MUC5B: variants seen among roughly 807,000 people sequenced by gnomAD.
MUC5B encodes mucin 5B, oligomeric mucus/gel-forming.
MUC5B carries 116 observed loss-of-function variants against 376.9 expected under a neutral mutation model. The ratio of observed to expected loss-of-function variants is 0.31; its 90% CI spans 0.26 to 0.36. The LOEUF is 0.36. Ranked by LOEUF, MUC5B falls within the 10% of genes least tolerant of loss-of-function variation. The pLI is 1.00. For synonymous variants in MUC5B, 3,517 were observed against 3,390.9 expected, an observed-to-expected ratio of 1.04 and a Z score of -1.29; for missense variants, 7,165 against 7,769.9, an observed-to-expected ratio of 0.92 and a Z score of 2.93.
Position 1,246,056 on chromosome 11 carries a change from C to A in MUC5B, c.9176C>A (p.Thr3059Asn). The change falls in exon 31 of 49, where the codon ACC (threonine) becomes AAC (asparagine). Residue 3059 changes from threonine to asparagine, a missense_variant. Physicochemically the swap from Thr to Asn is moderately conservative, Grantham distance 65. Transcript: ENST00000529681. ...CTTCCAGTGCTGACAAGCACAGCCA[C>A]CAAATCCACAGCTACCAGCTTTACA... ...TTLPVLTSTA[T>N]KSTATSFTPI... 1 of 1,613,024 alleles carries A rather than the reference C, an allele frequency of 6.2e-7. No homozygotes were observed.
At position 1,234,269 on chromosome 11, in the gene MUC5B, G is replaced by T. The variant is rs749025822; in HGVS notation, c.2442G>T (p.Glu814Asp). ...GCTCGGCGGGCACCCCTGGGGCCGA[G>T]TGCCTCCGGAGCTGCCACACGCTGG... ...SNSSAGTPGA[E>D]CLRSCHTLDV... The change falls in exon 20 of 49, where the codon GAG (glutamate) becomes GAT (aspartate). Residue 814 changes from glutamate to aspartate, a missense_variant. Physicochemically the swap from Glu to Asp is conservative, Grantham distance 45. Transcript: ENST00000529681. The surrounding 1 kb of genome is among the most constrained non-coding windows in gnomAD (Gnocchi z 6.3). 1.2e-6 allele frequency: 2 copies of T among 1,606,976 alleles called. No homozygotes were observed. Among genetic ancestry groups the T allele is most frequent in the Admixed American group, 1.7e-5 (1 of 59,498 alleles).
chr11:1,257,511 C>A lies in MUC5B; in HGVS notation c.16270-19C>A. ...GTGTCTGTCCAGGAGCCCTCAGGGA[C>A]CCCCTTGATCCATTCCAGCCCGGGG... On this transcript the variant is annotated intron_variant, in intron 40 of 48. Coordinates refer to ENST00000529681, the MANE Select transcript of MUC5B (RefSeq NM_002458.3). The surrounding 1 kb of genome is among the most constrained non-coding windows in gnomAD (Gnocchi z 8.9). 1 of 1,603,354 alleles carries A rather than the reference C, an allele frequency of 6.2e-7. No homozygotes were observed. The highest frequency in any genetic ancestry group is 8.5e-7 in the Non-Finnish European group (1 of 1,175,732).
chr11:1,230,945 G>A lies in MUC5B; in HGVS notation c.1480G>A (p.Val494Ile). ...CCGCCTCCTTCCGCAGGCCATCCGG[G>A]TCCAAGCGGACGGCGGCGTGTTCCT... Reference protein sequence around the residue: ...SLDGGDTAIRVQADGGVFLNS... With the variant: ...SLDGGDTAIRIQADGGVFLNS... The change falls in exon 13 of 49, where the codon GTC becomes ATC. Residue 494 changes from valine to isoleucine, a missense_variant. Physicochemically the swap from Val to Ile is conservative, Grantham distance 29. Transcript: ENST00000529681. 1 of 1,591,592 alleles carries A rather than the reference G, an allele frequency of 6.3e-7. No homozygotes were observed. Among genetic ancestry groups the A allele is most frequent in the Non-Finnish European group, 8.5e-7 (1 of 1,170,306 alleles).
Position 1,258,213 on chromosome 11 carries a change from G to T in MUC5B, c.16555+10G>T. The T allele has an allele frequency of 6.3e-7, 1 of 1,579,184 alleles. No individual in the cohort carries two copies. The highest frequency in any genetic ancestry group is 8.6e-7 in the Non-Finnish European group (1 of 1,163,428). On this transcript the variant is annotated intron_variant, in intron 42 of 48. Coordinates refer to ENST00000529681, the MANE Select transcript of MUC5B (RefSeq NM_002458.3). This position sits in a 1 kb window ranked among gnomAD's most constrained non-coding sequence, Gnocchi z 5.5. ...CCCACCTTCCGCTGCAGTGAGCGGG[G>T]CTGGGGCCGGGCTCCTGGGTGGCCT... is the stretch of plus-strand genomic sequence containing the variant.
At position 1,261,905 on chromosome 11, in the gene MUC5B, C is replaced by T. The variant is rs547475012; in HGVS notation, c.*297C>T. 246 of 636,306 alleles carry T rather than the reference C, an allele frequency of 3.9e-4. 1 individual carries two copies. The highest frequency in any genetic ancestry group is 3.7e-3 in the African/African-American group (208 of 56,036). 39.4% of individuals were successfully genotyped at this position (636,306 alleles called of 1,614,324 possible). On this transcript the variant is annotated 3_prime_UTR_variant, in exon 49 of 49. Transcript: ENST00000529681. Reference sequence around the variant, plus strand: ...CGCCCTGGAACAAACTAAGCATGTGCGGGCCTATGTGTCCCTGCCACGGCC... The same window carrying T: ...CGCCCTGGAACAAACTAAGCATGTGTGGGCCTATGTGTCCCTGCCACGGCC...
chr11:1,254,955 TGGGGAGGGGAATGAGTG>T, intron 35 of MUC5B, 69 bp from the exon 36 acceptor site: 1 of 511,208 alleles, frequency 2.0e-6, no homozygotes, highest in East Asian at 1.1e-4. Flanking sequence ...AGGGGAAGCC[TGGGGAGGGGAATGAGTG>T]GGGGAGGGGG....
At chr11:1,228,187 C>G (rs1004546872) in intron 7 of MUC5B, among the ~76,000 whole-genome samples, 1 of 152,194 alleles carries the variant, frequency 6.6e-6, no homozygotes, top group Non-Finnish European at 1.5e-5. Context: ...AGCTGGGCCC[C>G]GCAGCCGGCA....
Position 1,227,040 on chromosome 11 carries a change from G to C in MUC5B, c.471G>C (p.Leu157=), listed in dbSNP as rs772058673. ...CCCGCTGTCTGCGCAGGGAGGAGCTGCCTTACAGCCGCACTGGCCTCCTGG... is the reference window on the plus strand; with the variant it reads ...CCCGCTGTCTGCGCAGGGAGGAGCTCCCTTACAGCCGCACTGGCCTCCTGG... ...SVLINGQREE[L]PYSRTGLLVE... is the part of the protein sequence containing the mutation. The change falls in exon 5 of 49, where the codon CTG becomes CTC. Residue 157 remains leucine, a synonymous_variant. Transcript: ENST00000529681. The C allele has an allele frequency of 6.2e-6, 10 of 1,610,284 alleles. No individual in the cohort carries two copies. Among genetic ancestry groups the C allele is most frequent in the Non-Finnish European group, 8.5e-6 (10 of 1,178,570 alleles).
At position 1,246,137 on chromosome 11, in the gene MUC5B, C is replaced by A; in HGVS notation, c.9257C>A (p.Thr3086Lys). Residue 3086 changes from threonine (T) to lysine (K), a missense_variant, in exon 31 of 49, where the codon ACA (threonine) becomes AAA (lysine). Coordinates refer to ENST00000529681, the MANE Select transcript of MUC5B (RefSeq NM_002458.3). ...TTGTLPEQTT[T>K]PMATMSTIHP... ...GGGACCCTCCCAGAACAGACCACCA[C>A]ACCCATGGCCACCATGTCCACAATC... The A allele has an allele frequency of 6.2e-7, 1 of 1,613,172 alleles. No homozygotes were observed. Among genetic ancestry groups the A allele is most frequent in the Non-Finnish European group, 8.5e-7 (1 of 1,179,556 alleles).
intron 38 of MUC5B, 113 bp downstream of exon 38, chr11:1,256,338 G>A (rs1862833720): frequency 6.1e-6 from 4 of 651,962 alleles, no homozygotes; most frequent in African/African-American, 3.6e-5. Context: ...TCTCTGGGGT[G>A]CCCGAGCCCA....
rs1372204106 is a variant in MUC5B, at chr11:1,253,642, T to TG, written c.15218-446dup. ...GGGGATAGACTCCCTGCTGAGGGTC[T>TG]GGGGAGGTCCTTCCTGCCTCTCCCA... On this transcript the variant is annotated intron_variant, in intron 33 of 48. Transcript: ENST00000529681. The surrounding 1 kb of genome is among the most constrained non-coding windows in gnomAD (Gnocchi z 4.3). Among the ~76,000 whole-genome samples the TG allele has an allele frequency of 3.3e-5, 5 of 152,166 alleles. No homozygotes were observed. The highest frequency in any genetic ancestry group is 1.2e-4 in the African/African-American group (5 of 41,444).
rs752130273 is a variant in MUC5B, at chr11:1,256,214, C to G, written c.16125C>G (p.Thr5375=). 2 of 730,182 alleles carry G rather than the reference C, an allele frequency of 2.7e-6. No individual in the cohort carries two copies. The highest frequency in any genetic ancestry group is 5.1e-6 in the Non-Finnish European group (2 of 392,842). 45.2% of individuals were successfully genotyped at this position (730,182 alleles called of 1,614,324 possible). A position where few individuals can be genotyped will look rare whatever the true frequency, so the allele number is the denominator to read the frequency against. The change falls in exon 38 of 49, where the codon ACC becomes ACG. Residue 5375 remains threonine (T), a synonymous_variant. Coordinates refer to ENST00000529681, the MANE Select transcript of MUC5B (RefSeq NM_002458.3). ...CATGCGGCCCCATACAGCCTGCCAC[C>G]TGCAACTCTAGGTAAGTACAGGGAT... The part of the protein sequence containing the change: ...YKPCGPIQPA[T]CNSRNQSPQL...
At position 1,233,516 on chromosome 11, in the gene MUC5B, G is replaced by C. The variant is rs74046275; in HGVS notation, c.2321+248G>C. ...CAGCTGGGTCCACATGGCAGCCCCT[G>C]CCAGGAAAGGTGGGTGGCCCCCACT... On this transcript the variant is annotated intron_variant, in intron 18 of 48. Coordinates refer to ENST00000529681, the MANE Select transcript of MUC5B (RefSeq NM_002458.3). Among the ~76,000 whole-genome samples the C allele has an allele frequency of 3.0e-3, 453 of 152,308 alleles. 4 individuals carry two copies. The highest frequency in any genetic ancestry group is 0.01 in the African/African-American group (428 of 41,574).
In MUC5B at chr11:1,255,143, G is replaced by T. The variant is rs762939937; in HGVS notation, c.15767G>T (p.Arg5256Ile). The T allele has an allele frequency of 2.5e-6, 4 of 1,573,730 alleles. No homozygotes were observed. The South Asian group carries it at 4.7e-5, about 18-fold the overall frequency. Reference protein sequence around the residue: ...MAKTWLVPDSRKDGCWAPTGT... With the variant: ...MAKTWLVPDSIKDGCWAPTGT... ...AAGACGTGGCTGGTCCCCGACAGCA[G>T]AAAGGATGGCTGCTGGGCCCCGACT... Residue 5256 changes from arginine (R) to isoleucine (I), a missense_variant, in exon 36 of 49, where the codon AGA becomes ATA. By Grantham distance (97) the Arg-to-Ile change is moderately conservative. Transcript: ENST00000529681.
In MUC5B at chr11:1,245,970, C is replaced by G. The variant is rs1215334062; in HGVS notation, c.9090C>G (p.Thr3030=). 1 of 1,613,086 alleles carries G rather than the reference C, an allele frequency of 6.2e-7. No individual in the cohort carries two copies. Among genetic ancestry groups the G allele is most frequent in the Non-Finnish European group, 8.5e-7 (1 of 1,179,776 alleles). Residue 3030 remains threonine, a synonymous_variant, in exon 31 of 49, where the codon ACC becomes ACG. Transcript: ENST00000529681. ...CCAAAGTGCTGACCAGCACGGCCACCACACCCACAGCCACCAGTTCCAAAG... is the reference window on the plus strand; with the variant it reads ...CCAAAGTGCTGACCAGCACGGCCACGACACCCACAGCCACCAGTTCCAAAG... The part of the protein sequence containing the change: ...PPPKVLTSTA[T]TPTATSSKAT...
At position 1,252,486 on chromosome 11, in the gene MUC5B, C is replaced by T; in HGVS notation, c.15007C>T (p.Pro5003Ser). 1 of 1,581,374 alleles carries T rather than the reference C, an allele frequency of 6.3e-7. No individual in the cohort carries two copies. Among genetic ancestry groups the T allele is most frequent in the East Asian group, 2.2e-5 (1 of 44,674 alleles). The change falls in exon 32 of 49, where the codon CCT becomes TCT. Residue 5003 changes from proline (P) to serine (S), a missense_variant. This residue lies in a region of MUC5B where 730 missense variants were observed against 592.7 expected (regional missense o/e 1.23). Transcript: ENST00000529681. ...CTCCGCCCCGCTGTCCTCGCCCTCCCCTGCCCCTGGCTGTGACAATGCCAT... is the reference window on the plus strand; with the variant it reads ...CTCCGCCCCGCTGTCCTCGCCCTCCTCTGCCCCTGGCTGTGACAATGCCAT... ...VSSAPLSSPSPAPGCDNAIPL... is the reference protein window; with the variant it reads ...VSSAPLSSPSSAPGCDNAIPL...
intron 17 of MUC5B, 60 bp downstream of exon 17, chr11:1,232,830 G>C: frequency 2.6e-6 from 4 of 1,515,812 alleles, no homozygotes; most frequent in Middle Eastern, 2.1e-4. Context: ...GGGGGACCCT[G>C]GCCGGCAGCA....
In MUC5B at chr11:1,227,156, C is replaced by A. The variant is rs377352399; in HGVS notation, c.576+11C>A. The A allele has an allele frequency of 8.7e-6, 14 of 1,604,268 alleles. No individual in the cohort carries two copies. The African/African-American group carries it at 1.5e-4, about 17-fold the overall frequency. ...GAGGACAGTGCCCTGGTGAGGAAGC[C>A]CCCTCGCCCCTTGCCCCTTCAGGCC... is the stretch of plus-strand genomic sequence containing the variant. On this transcript the variant is annotated intron_variant, in intron 5 of 48. Transcript: ENST00000529681.
chr11:1,257,382 T>C lies in MUC5B; in HGVS notation c.16269+111T>C. 2 of 969,494 alleles carry C rather than the reference T, an allele frequency of 2.1e-6. No homozygotes were observed. Among genetic ancestry groups the C allele is most frequent in the South Asian group, 2.7e-5 (2 of 75,132 alleles). The allele number at this position is 969,494 out of a possible 1,614,324, so 60.1% of individuals were successfully genotyped here. ...AGCTGTGGGGCGCCCGAGTGTGACG[T>C]GGACGTGCCAGTGGCTGGTGTGCGC... On this transcript the variant is annotated intron_variant, in intron 40 of 48. Coordinates refer to ENST00000529681, the MANE Select transcript of MUC5B (RefSeq NM_002458.3). The surrounding 1 kb of genome is among the most constrained non-coding windows in gnomAD (Gnocchi z 8.9).
Sources: gnomAD v4.1 joint callset for allele counts (sites outside exome capture counted in the v4.1 genomes callset) on GRCh38, gnomAD v4.1.1 for gene constraint, gnomAD v4.1.1 regional missense constraint, Gnocchi (gnomAD v3.1) non-coding constraint, MANE v1.5 for transcripts, NCBI Gene and HGNC (gene_info 2026-07-23, HGNC 2026-07-21) for gene names.